The following NCOR2 variants were observed in gnomAD, a reference collection of about 807,000 sequenced individuals.
NCOR2 encodes nuclear receptor corepressor 2.
A neutral mutation model predicts 262.9 loss-of-function variants in NCOR2; 81 were observed. The observed-to-expected ratio is 0.31, with a 90% confidence interval of 0.26 to 0.37. The LOEUF (loss-of-function observed/expected upper bound fraction) is 0.37, where lower values mean the gene tolerates loss of function less well. Among genes scored for constraint, NCOR2 ranks in the 10% least tolerant of loss-of-function variants. NCOR2 has a pLI of 1.00. For missense variants in NCOR2, 3,385 were observed against 3,621.4 expected, an observed-to-expected ratio of 0.93 and a Z score of 1.68; for synonymous variants, 1,659 against 1,559.3, an observed-to-expected ratio of 1.06 and a Z score of -1.51.
At chr12:124,347,981 G>A in intron 29 of NCOR2, 70 bp from the exon 32 acceptor site, 1 of 1,505,996 alleles carries the variant, frequency 6.6e-7, no homozygotes, top group Non-Finnish European at 9.0e-7. Flanking sequence ...ACAGGGGTCA[G>A]TGTTTACAGC....
chr12:124,389,193 C>T lies in NCOR2; in HGVS notation c.1877-3306G>A, dbSNP rs1041725168. ...AGTGCGGACGCTCAGCGAGCAATGC[C>T]GGCCAGAGCCCACAGACCCCCGGGC... is the stretch of plus-strand genomic sequence containing the variant. On this transcript the variant is annotated intron_variant, in intron 16 of 46. Transcript: ENST00000405201. This position sits in a 1 kb window ranked among gnomAD's most constrained non-coding sequence, Gnocchi z 4.4. Among the ~76,000 whole-genome samples, 11 of 152,236 alleles carry T rather than the reference C, an allele frequency of 7.2e-5. No homozygotes were observed. Among genetic ancestry groups the T allele is most frequent in the Non-Finnish European group, 1.0e-4 (7 of 68,036 alleles).
chr12:124,325,388 C>CCCCCCCCCCCG, exon 47 of NCOR2: 2 of 693,384 alleles, frequency 2.9e-6, no homozygotes, highest in Non-Finnish European at 4.0e-6. Context: ...CCCCCCCCCC[C>CCCCCCCCCCCG]GCCCTGTTCT....
rs573483006 is a variant in NCOR2 at position 124,505,573 on chromosome 12, C to T, written c.-117-10205G>A. ...TGCCATTCCAAAGGGCTCCCACGTG[C>T]TGATCAATTCCAAATCCCAACTCCG... is the stretch of plus-strand genomic sequence containing the variant. On this transcript the variant is annotated intron_variant, in intron 1 of 46. Coordinates refer to the NCOR2 transcript ENST00000404621. Among the ~76,000 whole-genome samples, 7 of 152,330 alleles carry T rather than the reference C, an allele frequency of 4.6e-5. No homozygotes were observed. The South Asian group carries it at 1.4e-3, about 32-fold the overall frequency.
At chr12:124,465,814 G>C (rs2046386211) in intron 5 of NCOR2, among the ~76,000 whole-genome samples, 1 of 152,210 alleles carries the variant, frequency 6.6e-6, no homozygotes, top group Non-Finnish European at 1.5e-5. Flanking sequence ...ATTATCTTTT[G>C]CCTTAAAGGG....
chr12:124,409,400 C>T (rs2042444899), intron 13 of NCOR2, among the ~76,000 whole-genome samples: 1 of 152,224 alleles, frequency 6.6e-6, no homozygotes, highest in African/African-American at 2.4e-5. Context: ...TCTGCCTGGC[C>T]AGTCCCTTCT....
intron 1 of NCOR2, among the ~76,000 whole-genome samples, chr12:124,500,325 G>A (rs993955478): frequency 3.3e-5 from 5 of 152,178 alleles, no homozygotes; most frequent in African/African-American, 9.7e-5. Context: ...GCAGGGGTCT[G>A]TCCCTGGGCC....
intron 13 of NCOR2, among the ~76,000 whole-genome samples, chr12:124,411,378 T>A (rs1050040647): frequency 6.7e-6 from 1 of 150,178 alleles, no homozygotes; most frequent in Admixed American, 6.6e-5. Context: ...CAGTGGAGAG[T>A]GGACGGCAGC....
chr12:124,326,214 C>A (rs1296509600), exon 46 of NCOR2: 2 of 1,537,276 alleles, frequency 1.3e-6, no homozygotes, highest in Middle Eastern at 3.5e-4. Flanking sequence ...CCTGTCCTCC[C>A]ACACGCGGTT....
intron 1 of NCOR2, among the ~76,000 whole-genome samples, chr12:124,509,165 C>G (rs190974037): frequency 2.6e-5 from 4 of 151,492 alleles, no homozygotes; most frequent in African/African-American, 9.7e-5. Context: ...AACCACCCCC[C>G]CTGCACCCTC....
chr12:124,359,336 C>T (rs1037795140), intron 22 of NCOR2, among the ~76,000 whole-genome samples: 27 of 152,280 alleles, frequency 1.8e-4, no homozygotes, highest in Admixed American at 7.2e-4. Flanking sequence ...TTCTGAGGGC[C>T]CATCAGGGTG....
chr12:124,525,057 C>G (rs1279307077), intron 1 of NCOR2, among the ~76,000 whole-genome samples: 1 of 152,228 alleles, frequency 6.6e-6, no homozygotes, highest in Non-Finnish European at 1.5e-5. Flanking sequence ...TTAAATTTGA[C>G]TTCTGCCTTA....
At chr12:124,460,436 G>C (rs1261943246) in intron 5 of NCOR2, among the ~76,000 whole-genome samples, 1 of 152,228 alleles carries the variant, frequency 6.6e-6, no homozygotes, top group Non-Finnish European at 1.5e-5. Flanking sequence ...GAAGAGGCCA[G>C]CGCTGGCCAC....
chr12:124,493,595 C>T (rs2048210948), intron 1 of NCOR2, among the ~76,000 whole-genome samples: 7 of 152,116 alleles, frequency 4.6e-5, no homozygotes, highest in Admixed American at 4.6e-4. Context: ...CATGATAGTC[C>T]CACTCTGGGG....
chr12:124,357,834 G>A (rs951585727), intron 22 of NCOR2, among the ~76,000 whole-genome samples: 80 of 22,840 alleles, frequency 3.5e-3, no homozygotes, highest in Non-Finnish European at 8.8e-3. Context: ...ACGTGTATGT[G>A]CATGTGTGTG....
Position 124,337,163 on chromosome 12 carries a change from G to A in NCOR2, c.5705C>T (p.Ser1902Leu), listed in dbSNP as rs769728016. The A allele has an allele frequency of 1.5e-5, 23 of 1,535,026 alleles. No homozygotes were observed. Among genetic ancestry groups the A allele is most frequent in the Non-Finnish European group, 1.9e-5 (22 of 1,137,788 alleles). ...GAATGTGGCAGCCGGGCGAACGGGT[G>A]AGGAGGTGGAGGTGGACCTGGGGGA... The change falls in exon 38 of 47, where the codon TCA becomes TTA. Residue 1902 changes from serine (S) to leucine (L), a missense_variant. By Grantham distance (145) the Ser-to-Leu change is moderately radical. Transcript: ENST00000405201.
chr12:124,394,591 C>T (rs1033932180), intron 16 of NCOR2, among the ~76,000 whole-genome samples: 4 of 152,176 alleles, frequency 2.6e-5, no homozygotes, highest in South Asian at 4.1e-4. Flanking sequence ...GACAGAGACA[C>T]GCAGGGAGAA....
chr12:124,347,952 G>A, intron 29 of NCOR2, 41 bp from the exon 32 acceptor site: 1 of 1,540,742 alleles, frequency 6.5e-7, no homozygotes, highest in Non-Finnish European at 8.8e-7. Context: ...GTGGCTCCCT[G>A]AGCCGACACT....
Position 124,483,720 on chromosome 12 carries a change from C to G in NCOR2, c.287G>C (p.Gly96Ala). Reference sequence around the variant, plus strand: ...TTCAATGAACTCCATCTCTGACTTCCCCAGCTCGGGCAGGTATGAGTGGGA... The same window carrying G: ...TTCAATGAACTCCATCTCTGACTTCGCCAGCTCGGGCAGGTATGAGTGGGA... Residue 96 changes from glycine to alanine, a missense_variant, in exon 3 of 47, where the codon GGG becomes GCG. Transcript: ENST00000405201. The surrounding 1 kb of genome is among the most constrained non-coding windows in gnomAD (Gnocchi z 6.3). 6.2e-7 allele frequency: 1 copy of G among 1,611,534 alleles called. No homozygotes were observed. Among genetic ancestry groups the G allele is most frequent in the Non-Finnish European group, 8.5e-7 (1 of 1,178,908 alleles).
At chr12:124,449,832 A>G (rs1407390779) in exon 7 of NCOR2, 1 of 1,614,084 alleles carries the variant, frequency 6.2e-7, no homozygotes, top group East Asian at 2.2e-5. Context: ...TGTTCTCATG[A>G]TACTGCCGGG....
Sources: allele counts gnomAD v4.1 joint callset (sites outside exome capture counted in the v4.1 genomes callset), GRCh38; gene constraint gnomAD v4.1.1; non-coding constraint Gnocchi (gnomAD v3.1); transcripts MANE v1.5; gene names NCBI Gene and HGNC (gene_info 2026-07-23, HGNC 2026-07-21).